Variants in KICS2 observed in about 807,000 individuals in gnomAD.
KICS2 encodes the protein KICSTOR complex protein C12orf66.
In KICS2, 13 loss-of-function variants were observed where a neutral mutation model predicts 31.4. The ratio of observed to expected loss-of-function variants is 0.41; its 90% CI spans 0.27 to 0.66. KICS2 has a LOEUF of 0.66. Among genes scored for constraint, KICS2 ranks in the 30% least tolerant of loss-of-function variants. The pLI is 0.28. For synonymous variants in KICS2, 209 were observed against 214.8 expected (o/e 0.97, Z 0.24); for missense variants, 455 against 545.4 (o/e 0.83, Z 1.65).
chr12:64,221,115 G>T (rs1403583918), intron 1 of KICS2, among the ~76,000 whole-genome samples: 2 of 150,172 alleles, frequency 1.3e-5, no homozygotes, highest in East Asian at 2.0e-4. Flanking sequence ...GGAACGGGGG[G>T]GGGTGGATCA....
chr12:64,190,478 T>C (rs1188287336), downstream of KICS2, among the ~76,000 whole-genome samples: 1 of 152,182 alleles, frequency 6.6e-6, no homozygotes, highest in Non-Finnish European at 1.5e-5. Context: ...TTCTAGAAAG[T>C]ACATTTTCTG....
Position 64,192,117 on chromosome 12 carries a change from G to A in KICS2, c.*1725C>T, listed in dbSNP as rs1246733412. On this transcript the variant is annotated 3_prime_UTR_variant, in exon 3 of 3. Coordinates refer to ENST00000398055, the MANE Select transcript of KICS2 (RefSeq NM_152440.5). Reference sequence around the variant, plus strand: ...ATAAAAAATAGGCCAGTAGATTCTTGGTTCTTCTTCTTCTTTTTTTTTTTT... The same window carrying A: ...ATAAAAAATAGGCCAGTAGATTCTTAGTTCTTCTTCTTCTTTTTTTTTTTT... The A allele has an allele frequency of 6.7e-6, 1 of 148,622 alleles. No homozygotes were observed. Among genetic ancestry groups the A allele is most frequent in the Non-Finnish European group, 1.5e-5 (1 of 67,464 alleles). The allele number at this position is 148,622 out of a possible 1,614,324, so 9.2% of individuals were successfully genotyped here. A position where few individuals can be genotyped will look rare whatever the true frequency, so the allele number is the denominator to read the frequency against.
intron 2 of KICS2, 57 bp downstream of exon 2, chr12:64,215,621 C>CT: frequency 6.9e-7 from 1 of 1,449,374 alleles, no homozygotes; most frequent in Non-Finnish European, 9.4e-7. Flanking sequence ...AAACTCTGAG[C>CT]TTGTGTGGGA....
intron 2 of KICS2, among the ~76,000 whole-genome samples, chr12:64,210,184 C>T (rs1390026225): frequency 6.6e-6 from 1 of 152,150 alleles, no homozygotes; most frequent in East Asian, 1.9e-4. Context: ...TAACCCAAAG[C>T]CTCTAATTTA....
intron 2 of KICS2, among the ~76,000 whole-genome samples, chr12:64,209,762 A>C (rs1364817042): frequency 6.6e-6 from 1 of 152,346 alleles, no homozygotes; most frequent in East Asian, 1.9e-4. Flanking sequence ...TCAAGGCCAG[A>C]GGTTTAGATT....
intron 2 of KICS2, among the ~76,000 whole-genome samples, chr12:64,196,610 G>T (rs1454651849): frequency 6.6e-6 from 1 of 151,506 alleles, no homozygotes; most frequent in Non-Finnish European, 1.5e-5. Context: ...GAATGACTTT[G>T]ACGAGCTGAG....
At chr12:64,220,145 A>G (rs940737864) in intron 1 of KICS2, among the ~76,000 whole-genome samples, 2 of 152,228 alleles carry the variant, frequency 1.3e-5, no homozygotes, top group African/African-American at 2.4e-5. Context: ...TGAGGAGCCC[A>G]CCTAGGAACG....
At chr12:64,211,826 T>C (rs1358617199) in intron 2 of KICS2, among the ~76,000 whole-genome samples, 1 of 152,140 alleles carries the variant, frequency 6.6e-6, no homozygotes, top group Admixed American at 6.5e-5. Flanking sequence ...AACAAGCAAC[T>C]ATAAAGAACA....
chr12:64,213,734 T>C (rs1296124370), intron 2 of KICS2, among the ~76,000 whole-genome samples: 3 of 152,196 alleles, frequency 2.0e-5, no homozygotes, highest in Non-Finnish European at 2.9e-5. Context: ...CTGCTAAATC[T>C]TTACTCGAAA....
chr12:64,209,693 A>C (rs2037567639), intron 2 of KICS2, among the ~76,000 whole-genome samples: 1 of 152,232 alleles, frequency 6.6e-6, no homozygotes, highest in African/African-American at 2.4e-5. Context: ...TATACTTTCC[A>C]TTCATCTGTG....
chr12:64,190,030 T>G (rs935575387), downstream of KICS2, among the ~76,000 whole-genome samples: 3 of 152,028 alleles, frequency 2.0e-5, no homozygotes, highest in Non-Finnish European at 4.4e-5. Flanking sequence ...ACCATAAAAA[T>G]TTGGGAACAA....
At chr12:64,208,380 A>C (rs1338756613) in intron 2 of KICS2, among the ~76,000 whole-genome samples, 3 of 152,198 alleles carry the variant, frequency 2.0e-5, no homozygotes, top group Non-Finnish European at 2.9e-5. Flanking sequence ...TAGCAGATGA[A>C]TTTGAAAAGA....
At position 64,193,078 on chromosome 12, in the gene KICS2, T is replaced by C; in HGVS notation, c.*764A>G. On this transcript the variant is annotated 3_prime_UTR_variant, in exon 3 of 3. Coordinates refer to ENST00000398055, the MANE Select transcript of KICS2 (RefSeq NM_152440.5). ...GATAAACAGAAAGCGAAGCGGATAA[T>C]ATGCTGAAGAATGAAGAAAGCCCAC... 3 of 985,378 alleles carry C rather than the reference T, an allele frequency of 3.0e-6. No individual in the cohort carries two copies. The highest frequency in any genetic ancestry group is 3.6e-6 in the Non-Finnish European group (3 of 829,920). 61.0% of individuals were successfully genotyped at this position (985,378 alleles called of 1,614,324 possible).
Position 64,192,604 on chromosome 12 carries a change from G to C in KICS2, c.*1238C>G. The C allele has an allele frequency of 1.0e-6, 1 of 985,188 alleles. No homozygotes were observed. Among genetic ancestry groups the C allele is most frequent in the Non-Finnish European group, 1.2e-6 (1 of 829,758 alleles). The allele number at this position is 985,188 out of a possible 1,614,324, so 61.0% of individuals were successfully genotyped here. A position where few individuals can be genotyped will look rare whatever the true frequency, so the allele number is the denominator to read the frequency against. On this transcript the variant is annotated 3_prime_UTR_variant, in exon 3 of 3. Coordinates refer to ENST00000398055, the MANE Select transcript of KICS2 (RefSeq NM_152440.5). ...AATATGACCATTACATTTCACACAA[G>C]CTTCAAAGGAACCATCAAACCAGTA...
downstream of KICS2, among the ~76,000 whole-genome samples, chr12:64,190,907 T>C (rs1371000021): frequency 6.6e-6 from 1 of 152,142 alleles, no homozygotes; most frequent in Non-Finnish European, 1.5e-5. Context: ...AGAGATCAGG[T>C]AGGACCCAGA....
At chr12:64,189,863 T>G (rs1186816234), downstream of KICS2, among the ~76,000 whole-genome samples, 1 of 151,548 alleles carries the variant, frequency 6.6e-6, no homozygotes. Context: ...GGCTCCAAAA[T>G]ACAGGATGGA....
At chr12:64,205,598 A>AAAGGAGGGAAAAAGGGAAGG (rs2037528678) in intron 2 of KICS2, among the ~76,000 whole-genome samples, 1 of 11,014 alleles carries the variant, frequency 9.1e-5, no homozygotes, top group Non-Finnish European at 2.0e-4. Flanking sequence ...TGCTCTAAGG[A>AAAGGAGGGAAAAAGGGAAGG]AAGGAGGGAA....
chr12:64,206,059 C>T (rs549112480), intron 2 of KICS2, among the ~76,000 whole-genome samples: 3 of 152,158 alleles, frequency 2.0e-5, no homozygotes, highest in Admixed American at 1.3e-4. Context: ...GCTGGGACTA[C>T]GGGCACACAC....
chr12:64,188,546 GAAAAGAGA>G (rs2136682432), downstream of KICS2, among the ~76,000 whole-genome samples: 1 of 151,680 alleles, frequency 6.6e-6, no homozygotes, highest in East Asian at 1.9e-4. Context: ...GAGAAGGAAG[GAAAAGAGA>G]GAGGAAAAGA....
Sources: gnomAD v4.1 joint callset for allele counts (sites outside exome capture counted in the v4.1 genomes callset) on GRCh38, gnomAD v4.1.1 for gene constraint, MANE v1.5 for transcripts, NCBI Gene and HGNC (gene_info 2026-07-23, HGNC 2026-07-21) for gene names.